Variants in LPAR3 observed in about 807,000 individuals in gnomAD.
LPAR3 encodes the protein LPA receptor 3.
Under a neutral mutation model 17.8 loss-of-function variants are expected in LPAR3, and 7 were observed. The ratio of observed to expected loss-of-function variants is 0.39; its 90% CI spans 0.22 to 0.74. LPAR3 has a LOEUF of 0.74. Ranked by LOEUF, LPAR3 falls within the 30% of genes least tolerant of loss-of-function variation. The pLI, the probability that LPAR3 is intolerant of heterozygous loss-of-function variation, is 0.40. For missense variants in LPAR3, 391 were observed against 453.4 expected (o/e 0.86, Z 1.25); for synonymous variants, 179 against 179.9 (o/e 0.99, Z 0.04).
At chr1:84,855,724 T>C (rs931882937) in intron 2 of LPAR3, among the ~76,000 whole-genome samples, 12 of 152,062 alleles carry the variant, frequency 7.9e-5, no homozygotes, top group African/African-American at 2.2e-4. Flanking sequence ...AGTGGTTACA[T>C]TGGAAACAAG....
chr1:84,887,446 T>C (rs1041404680), intron 1 of LPAR3, among the ~76,000 whole-genome samples: 2 of 151,480 alleles, frequency 1.3e-5, no homozygotes, highest in African/African-American at 4.9e-5. Flanking sequence ...ACGTCATCAA[T>C]AAATGGTAGT....
At chr1:84,882,778 T>C (rs774193822) in intron 1 of LPAR3, among the ~76,000 whole-genome samples, 4 of 152,204 alleles carry the variant, frequency 2.6e-5, no homozygotes, top group Non-Finnish European at 5.9e-5. Flanking sequence ...GTAACAAACC[T>C]GCACGTTGTG....
At chr1:84,874,814 T>A (rs1424467086) in intron 1 of LPAR3, among the ~76,000 whole-genome samples, 1 of 152,178 alleles carries the variant, frequency 6.6e-6, no homozygotes, top group Non-Finnish European at 1.5e-5. Context: ...TAACTGGACA[T>A]GGTCTATTAT....
chr1:84,836,593 A>T (rs1659409698), intron 2 of LPAR3, among the ~76,000 whole-genome samples: 1 of 152,206 alleles, frequency 6.6e-6, no homozygotes, highest in South Asian at 2.1e-4. Flanking sequence ...TTCATTTTCA[A>T]TCAATTAGAA....
chr1:84,876,252 G>A (rs553736779), intron 1 of LPAR3, among the ~76,000 whole-genome samples: 137 of 152,228 alleles, frequency 9.0e-4, no homozygotes, highest in Middle Eastern at 3.4e-3. Context: ...TAGCCAGGTC[G>A]TGTAAATGAA....
chr1:84,866,855 T>C (rs544680033), intron 1 of LPAR3, among the ~76,000 whole-genome samples: 1 of 152,318 alleles, frequency 6.6e-6, no homozygotes, highest in South Asian at 2.1e-4. Flanking sequence ...TCCTTACCTT[T>C]TGTTCACTTC....
At chr1:84,829,152 A>ATTTT (rs56095946) in intron 2 of LPAR3, among the ~76,000 whole-genome samples, 8 of 55,550 alleles carry the variant, frequency 1.4e-4, no homozygotes, top group Admixed American at 4.8e-4. Context: ...CCTCTCTGCA[A>ATTTT]TTTTTTTTTT....
Position 84,842,378 on chromosome 1 carries a change from T to C in LPAR3, c.736+23007A>G, listed in dbSNP as rs115451347. Among the ~76,000 whole-genome samples the C allele has an allele frequency of 6.2e-3, 940 of 152,352 alleles. 7 individuals are homozygous for C. The highest frequency in any genetic ancestry group is 0.027 in the Middle Eastern group (8 of 294). On this transcript the variant is annotated intron_variant, in intron 2 of 2. Transcript: ENST00000370611. Reference sequence around the variant, plus strand: ...CAAACAAAAGAAATTCAGTCACTGGTCAAAAGCCAAAAGGTTTCCAGGGTT... The same window carrying C: ...CAAACAAAAGAAATTCAGTCACTGGCCAAAAGCCAAAAGGTTTCCAGGGTT...
At chr1:84,880,161 C>G (rs561149293) in intron 1 of LPAR3, among the ~76,000 whole-genome samples, 1 of 152,288 alleles carries the variant, frequency 6.6e-6, no homozygotes, top group East Asian at 1.9e-4. Flanking sequence ...GAAACCCCAT[C>G]TCTACTAAAA....
In LPAR3 at chr1:84,813,146, T is replaced by TAG. The variant is rs376924915; in HGVS notation, c.*699_*700insCT. 1 of 109,138 alleles carries TAG rather than the reference T, an allele frequency of 9.2e-6. No individual in the cohort carries two copies. The highest frequency in any genetic ancestry group is 1.9e-5 in the Non-Finnish European group (1 of 53,330). 6.8% of individuals were successfully genotyped at this position (109,138 alleles called of 1,614,324 possible). A position where few individuals can be genotyped will look rare whatever the true frequency, so the allele number is the denominator to read the frequency against. On this transcript the variant is annotated 3_prime_UTR_variant, in exon 3 of 3. Coordinates refer to ENST00000370611, the MANE Select transcript of LPAR3 (RefSeq NM_012152.3). ...ACAGGAATATATATATATATATATA[T>TAG]ATATATATATATAGACACACACACA...
chr1:84,829,297 A>ATC (rs1454106099), intron 2 of LPAR3, among the ~76,000 whole-genome samples: 1 of 151,122 alleles, frequency 6.6e-6, no homozygotes, highest in Non-Finnish European at 1.5e-5. Context: ...ACTTCCATGT[A>ATC]TAAGGTGCTG....
chr1:84,857,384 A>G (rs943649428), intron 2 of LPAR3, among the ~76,000 whole-genome samples: 2 of 152,184 alleles, frequency 1.3e-5, no homozygotes, highest in Admixed American at 1.3e-4. Context: ...CTTACAGATG[A>G]AAAAACTAAG....
chr1:84,825,871 T>C (rs1659145338), intron 2 of LPAR3, among the ~76,000 whole-genome samples: 1 of 152,120 alleles, frequency 6.6e-6, no homozygotes, highest in Non-Finnish European at 1.5e-5. Context: ...AATCTGATAA[T>C]GAATAAAAGA....
intron 2 of LPAR3, among the ~76,000 whole-genome samples, chr1:84,818,513 G>A (rs72717002): frequency 0.03 from 4,523 of 152,242 alleles, 91 homozygotes; most frequent in South Asian, 0.066. Context: ...GTGTGTGTGC[G>A]ATGCACGCAT....
intron 2 of LPAR3, among the ~76,000 whole-genome samples, chr1:84,824,260 C>T (rs1444661053): frequency 2.0e-5 from 3 of 152,116 alleles, no homozygotes; most frequent in Non-Finnish European, 4.4e-5. Flanking sequence ...TGAAACCATG[C>T]TGCCTTACAG....
At chr1:84,873,839 G>A (rs558115812) in intron 1 of LPAR3, among the ~76,000 whole-genome samples, 2 of 151,256 alleles carry the variant, frequency 1.3e-5, no homozygotes, top group Admixed American at 6.6e-5. Flanking sequence ...TGCAGCCTCC[G>A]CCTCCCGGGT....
At chr1:84,817,407 C>T (rs1199744859) in intron 2 of LPAR3, among the ~76,000 whole-genome samples, 1 of 152,088 alleles carries the variant, frequency 6.6e-6, no homozygotes, top group African/African-American at 2.4e-5. Context: ...GTGGGGAGGA[C>T]TTATGTTTAA....
At chr1:84,848,440 T>C (rs1244901421) in intron 2 of LPAR3, among the ~76,000 whole-genome samples, 1 of 152,072 alleles carries the variant, frequency 6.6e-6, no homozygotes, top group Non-Finnish European at 1.5e-5. Flanking sequence ...CCCTGTGTGA[T>C]CCCTTGTCAT....
intron 2 of LPAR3, among the ~76,000 whole-genome samples, chr1:84,839,112 T>C (rs1035654755): frequency 6.6e-6 from 1 of 152,234 alleles, no homozygotes; most frequent in African/African-American, 2.4e-5. Context: ...GTAGGTATTA[T>C]CATGGTCTCT....
Sources: allele counts gnomAD v4.1 joint callset (sites outside exome capture counted in the v4.1 genomes callset), GRCh38; gene constraint gnomAD v4.1.1; transcripts MANE v1.5; gene names NCBI Gene and HGNC (gene_info 2026-07-23, HGNC 2026-07-21).